The following FANCC variants were observed in gnomAD, a reference collection of about 807,000 sequenced individuals.
FANCC encodes Fanconi anemia group C protein.
Under a neutral mutation model 71.3 loss-of-function variants are expected in FANCC, and 55 were observed. The observed-to-expected ratio is 0.77, with a 90% CI of 0.62 to 0.97. The LOEUF (loss-of-function observed/expected upper bound fraction) is 0.97. Among genes scored for constraint, FANCC ranks in the 50% least tolerant of loss-of-function variants. The pLI, the probability that FANCC is intolerant of heterozygous loss-of-function variation, is 0.00. For missense variants in FANCC, 678 were observed against 670.9 expected (o/e 1.01, Z -0.12); for synonymous variants, 275 against 244.9 (o/e 1.12, Z -1.15).
chr9:95,146,535 T>C (rs901344242), intron 7 of FANCC, among the ~76,000 whole-genome samples: 1 of 140,320 alleles, frequency 7.1e-6, no homozygotes, highest in African/African-American at 2.7e-5. Flanking sequence ...ATAGTATTAA[T>C]AAAATGATTT....
At chr9:95,117,578 CT>C (rs1224885787) in intron 10 of FANCC, among the ~76,000 whole-genome samples, 188 bp from the exon 11 acceptor site, 3 of 139,290 alleles carry the variant, frequency 2.2e-5, no homozygotes, top group Non-Finnish European at 4.6e-5. Flanking sequence ...AATAATTAAC[CT>C]TTTTAAAGTC....
At chr9:95,108,140 T>G (rs1018048337) in intron 13 of FANCC, among the ~76,000 whole-genome samples, 4 of 152,034 alleles carry the variant, frequency 2.6e-5, no homozygotes. Flanking sequence ...GTGTGAGGCG[T>G]TTTTTTTCCC....
At chr9:95,223,212 TCA>T (rs1262982584) in intron 4 of FANCC, among the ~76,000 whole-genome samples, 1 of 152,218 alleles carries the variant, frequency 6.6e-6, no homozygotes, top group Non-Finnish European at 1.5e-5. Context: ...GAAATTTGTC[TCA>T]CAGTCTTGAT....
rs1564647481 is a variant in FANCC at position 95,111,486 on chromosome 9, T to G, written c.1306A>C (p.Arg436=). The change falls in exon 13 of 15, where the codon AGG becomes CGG. Residue 436 remains arginine (R), a synonymous_variant. Coordinates refer to ENST00000289081, the MANE Select transcript of FANCC (RefSeq NM_000136.3). ...LAFYYGPRDG[R]QQRAQTMVQV... is the part of the protein sequence containing the mutation. ...ACCATAGTCTGTGCTCTCTGCTGCC[T>G]CCCATCACGGGGGCCGTAGTAGAAG... 1 of 1,613,690 alleles carries G rather than the reference T, an allele frequency of 6.2e-7. No individual in the cohort carries two copies. The highest frequency in any genetic ancestry group is 1.7e-5 in the Admixed American group (1 of 60,012).
rs564222609 is a variant in FANCC, at chr9:95,102,641, G to A, written c.1534-791C>T. Among the ~76,000 whole-genome samples, 10 of 152,352 alleles carry A rather than the reference G, an allele frequency of 6.6e-5. No individual in the cohort carries two copies. The South Asian group carries it at 1.9e-3, about 28-fold the overall frequency. On this transcript the variant is annotated intron_variant, in intron 14 of 14. Transcript: ENST00000289081. ...AGCCCAAGGTCAGCTTCCTCTGGAA[G>A]GGTTGGGCCGTTCTGGGAGGGTGAA...
chr9:95,152,699 G>A (rs1830245966), intron 6 of FANCC, among the ~76,000 whole-genome samples: 1 of 152,056 alleles, frequency 6.6e-6, no homozygotes, highest in African/African-American at 2.4e-5. Flanking sequence ...TGGATGAATT[G>A]TATAGTGGTA....
chr9:95,211,964 A>AG (rs1828530542), intron 4 of FANCC, among the ~76,000 whole-genome samples: 1 of 152,086 alleles, frequency 6.6e-6, no homozygotes, highest in Admixed American at 6.5e-5. Flanking sequence ...TAAATACTTC[A>AG]GGAGAAAGAC....
intron 13 of FANCC, chr9:95,110,203 G>A: frequency 1.0e-6 from 1 of 972,000 alleles, no homozygotes; most frequent in Non-Finnish European, 1.2e-6. Flanking sequence ...TAGAAGATGT[G>A]CCAATGTAGA....
intron 7 of FANCC, among the ~76,000 whole-genome samples, chr9:95,136,956 G>A (rs2135198875): frequency 6.6e-6 from 1 of 152,282 alleles, no homozygotes; most frequent in Admixed American, 6.5e-5. Context: ...GCCCCCGAGA[G>A]CCACCTGCCC....
chr9:95,291,861 T>G (rs1262731774), intron 1 of FANCC, among the ~76,000 whole-genome samples: 2 of 147,504 alleles, frequency 1.4e-5, no homozygotes, highest in South Asian at 4.3e-4. Context: ...GGCAGGAGGA[T>G]CTCTTGAACC....
At chr9:95,268,860 G>A (rs1227752203) in intron 1 of FANCC, among the ~76,000 whole-genome samples, 1 of 152,196 alleles carries the variant, frequency 6.6e-6, no homozygotes, top group Non-Finnish European at 1.5e-5. Flanking sequence ...TGGCAGCTAT[G>A]AAAGGGGACT....
chr9:95,180,569 C>T (rs1268523778), intron 4 of FANCC, among the ~76,000 whole-genome samples: 1 of 151,520 alleles, frequency 6.6e-6, no homozygotes, highest in African/African-American at 2.4e-5. Context: ...AAACTCCTGG[C>T]CTAAAGTGAT....
intron 1 of FANCC, chr9:95,293,341 C>T (rs1291152323): frequency 1.2e-6 from 2 of 1,605,074 alleles, no homozygotes; most frequent in Non-Finnish European, 1.7e-6. Context: ...TTGATCAGGG[C>T]TCTGCCACAG....
At chr9:95,148,016 G>GCACTGATAGCGCAAATGTCAACC (rs1829792706) in intron 7 of FANCC, among the ~76,000 whole-genome samples, 1 of 152,106 alleles carries the variant, frequency 6.6e-6, no homozygotes, top group African/African-American at 2.4e-5. Flanking sequence ...GTTGACATTT[G>GCACTGATAGCGCAAATGTCAACC]CACTGATAGC....
intron 4 of FANCC, among the ~76,000 whole-genome samples, chr9:95,197,373 C>T (rs899398129): frequency 5.3e-5 from 8 of 152,018 alleles, no homozygotes; most frequent in African/African-American, 1.9e-4. Flanking sequence ...CCTGTCTTTA[C>T]AAAAAAACTT....
At chr9:95,225,382 T>C (rs967338312) in intron 4 of FANCC, among the ~76,000 whole-genome samples, 8 of 152,210 alleles carry the variant, frequency 5.3e-5, no homozygotes, top group South Asian at 2.1e-4. Flanking sequence ...CTTGGAAATA[T>C]AGATTACATC....
At chr9:95,125,582 A>C (rs1156286802) in intron 9 of FANCC, among the ~76,000 whole-genome samples, 1 of 152,202 alleles carries the variant, frequency 6.6e-6, no homozygotes, top group African/African-American at 2.4e-5. Flanking sequence ...GTAGGAAAAT[A>C]ATGTGTGTGT....
chr9:95,279,504 TA>T (rs777391112), intron 1 of FANCC, among the ~76,000 whole-genome samples: 1,886 of 112,978 alleles, frequency 0.017, 34 homozygotes, highest in African/African-American at 0.05. Flanking sequence ...AGACCCTGTC[TA>T]AAAAAAAAAA....
rs201063698 is a variant in FANCC, at chr9:95,107,185, C to T, written c.1414G>A (p.Gly472Arg). The T allele has an allele frequency of 1.8e-4, 297 of 1,614,184 alleles. 2 individuals are homozygous for T. The South Asian group carries it at 2.6e-3, about 14-fold the overall frequency. ...LSAQDLQTVAGQGTDTDLRAP... is the reference protein window; with the variant it reads ...LSAQDLQTVARQGTDTDLRAP... ...CTGAGGTCTGTGTCTGTGCCCTGTC[C>T]TGCTACCGTCTGCAGGTCCTGGGCT... Residue 472 changes from glycine to arginine, a missense_variant, in exon 14 of 15, where the codon GGA becomes AGA. Coordinates refer to ENST00000289081, the MANE Select transcript of FANCC (RefSeq NM_000136.3).
Sources: gnomAD v4.1 joint callset for allele counts (sites outside exome capture counted in the v4.1 genomes callset) on GRCh38, gnomAD v4.1.1 for gene constraint, MANE v1.5 for transcripts, NCBI Gene and HGNC (gene_info 2026-07-23, HGNC 2026-07-21) for gene names.